The following TXNDC11 variants were observed in gnomAD, a reference collection of about 807,000 sequenced individuals.
The protein encoded by TXNDC11 is thioredoxin domain-containing protein 11.
Under a neutral mutation model 78.0 loss-of-function variants are expected in TXNDC11, and 68 were observed. The observed-to-expected ratio is 0.87, with a 90% CI of 0.72 to 1.07. TXNDC11 has a LOEUF of 1.07. Ranked by LOEUF, TXNDC11 falls within the 50% of genes least tolerant of loss-of-function variation. The pLI is 0.00. For missense variants in TXNDC11, 1,389 were observed against 1,221.8 expected (o/e 1.14, Z -2.04); for synonymous variants, 571 against 495.2 (o/e 1.15, Z -2.03).
At chr16:11,715,057 C>T (rs978800510) in intron 5 of TXNDC11, among the ~76,000 whole-genome samples, 15 of 152,054 alleles carry the variant, frequency 9.9e-5, no homozygotes, top group African/African-American at 3.6e-4. Context: ...TCCAGACCAG[C>T]CTGGGCAACA....
intron 10 of TXNDC11, among the ~76,000 whole-genome samples, chr16:11,685,258 G>A (rs1245420647): frequency 1.3e-5 from 2 of 151,842 alleles, no homozygotes; most frequent in Non-Finnish European, 2.9e-5. Context: ...TGGGAAGGTG[G>A]GAGAATCACC....
chr16:11,741,037 C>A (rs2052375395), intron 1 of TXNDC11, among the ~76,000 whole-genome samples: 1 of 152,068 alleles, frequency 6.6e-6, no homozygotes, highest in Non-Finnish European at 1.5e-5. Context: ...TGCTAGACAT[C>A]CTACAGTAGT....
At chr16:11,690,535 C>T (rs182262806) in intron 8 of TXNDC11, among the ~76,000 whole-genome samples, 2 of 152,208 alleles carry the variant, frequency 1.3e-5, no homozygotes, top group East Asian at 1.9e-4. Context: ...GGAGGCAAGG[C>T]GGCTCTACTT....
chr16:11,697,688 T>C (rs1186639575), intron 7 of TXNDC11, among the ~76,000 whole-genome samples: 5 of 152,208 alleles, frequency 3.3e-5, no homozygotes, highest in Non-Finnish European at 7.3e-5. Context: ...TCCTCTGCTG[T>C]CCTGAGGATG....
rs1597409025 is a variant in TXNDC11, at chr16:11,688,408, G to A, written c.1938C>T (p.Pro646=). ...FIQNFSVLYS[P]LKRHLIGSGS... Reference sequence around the variant, plus strand: ...CACTTCCAATGAGATGCCTTTTCAAGGGACTATAGAGAACGCTGAAGTTTT... The same window carrying A: ...CACTTCCAATGAGATGCCTTTTCAAAGGACTATAGAGAACGCTGAAGTTTT... Residue 646 remains proline, a synonymous_variant, in exon 9 of 12, where the codon CCC becomes CCT. Coordinates refer to ENST00000283033, the MANE Select transcript of TXNDC11 (RefSeq NM_015914.7). The A allele has an allele frequency of 2.5e-6, 4 of 1,613,720 alleles. No individual in the cohort carries two copies. The highest frequency in any genetic ancestry group is 2.2e-5 in the South Asian group (2 of 91,038).
In TXNDC11 at chr16:11,680,867, C is replaced by T. The variant is rs986443153; in HGVS notation, c.2235-1030G>A. 2.6e-5 allele frequency among the ~76,000 whole-genome samples: 4 copies of T among 152,278 alleles called. No homozygotes were observed. The South Asian group carries it at 6.2e-4, about 24-fold the overall frequency. On this transcript the variant is annotated intron_variant, in intron 11 of 11. Transcript: ENST00000283033. ...ATATAAGCTTTCTTCAAGTGGGGCC[C>T]AGCCATTCAAATGACAAAGCTGGGT...
At position 11,698,136 on chromosome 16, in the gene TXNDC11, A is replaced by C; in HGVS notation, c.1096T>G (p.Leu366Val). The part of the protein sequence containing the change: ...PFNPLAESHP[L>V]IDEITEVALE... ...ATCACAGCTCTTACCTCGTCTATTA[A>C]AGGATGACTTTCGGCCAGGGGATTA... is the stretch of plus-strand genomic sequence containing the variant. Residue 366 changes from leucine to valine, a missense_variant, in exon 7 of 12, where the codon TTA becomes GTA. Leu to Val is a conservative substitution (Grantham distance 32). Transcript: ENST00000283033. 6.2e-7 allele frequency: 1 copy of C among 1,614,234 alleles called. No homozygotes were observed. The highest frequency in any genetic ancestry group is 8.5e-7 in the Non-Finnish European group (1 of 1,180,032).
chr16:11,697,590 C>T (rs903135049), intron 7 of TXNDC11, among the ~76,000 whole-genome samples: 1 of 152,154 alleles, frequency 6.6e-6, no homozygotes, highest in Non-Finnish European at 1.5e-5. Flanking sequence ...GCTCCGATGG[C>T]GCTGCCTCTG....
chr16:11,697,224 A>G (rs1283483741), intron 7 of TXNDC11, among the ~76,000 whole-genome samples: 1 of 152,218 alleles, frequency 6.6e-6, no homozygotes, highest in African/African-American at 2.4e-5. Context: ...AGACTCCAGC[A>G]CAGCAAAGGG....
intron 5 of TXNDC11, among the ~76,000 whole-genome samples, chr16:11,714,567 G>A (rs577838744): frequency 6.6e-6 from 1 of 152,114 alleles, no homozygotes; most frequent in African/African-American, 2.4e-5. Context: ...GTGAACCCGG[G>A]AGGCGGAGGT....
At chr16:11,735,395 G>A (rs936732532) in intron 2 of TXNDC11, among the ~76,000 whole-genome samples, 4 of 151,970 alleles carry the variant, frequency 2.6e-5, no homozygotes, top group Admixed American at 6.6e-5. Flanking sequence ...GTTACAATCC[G>A]TGCATTAGAT....
chr16:11,685,005 G>T (rs2050526072), intron 10 of TXNDC11, among the ~76,000 whole-genome samples: 3 of 152,234 alleles, frequency 2.0e-5, no homozygotes, highest in South Asian at 4.1e-4. Context: ...AGCATAACTG[G>T]GGGGAGTGAG....
intron 7 of TXNDC11, among the ~76,000 whole-genome samples, chr16:11,695,075 C>T (rs1259691238): frequency 6.6e-6 from 1 of 152,250 alleles, no homozygotes; most frequent in Non-Finnish European, 1.5e-5. Context: ...CACGAAGACT[C>T]TTTGCTGGCT....
intron 5 of TXNDC11, among the ~76,000 whole-genome samples, chr16:11,719,629 G>A (rs1381896151): frequency 6.6e-6 from 1 of 152,114 alleles, no homozygotes; most frequent in African/African-American, 2.4e-5. Flanking sequence ...AAGGTAATAG[G>A]GTCATTAATG....
At chr16:11,731,869 C>T (rs561420879) in intron 3 of TXNDC11, among the ~76,000 whole-genome samples, 3 of 152,190 alleles carry the variant, frequency 2.0e-5, no homozygotes, top group South Asian at 4.2e-4. Context: ...AAATTAGTTC[C>T]GTTTAAAAAT....
chr16:11,690,973 C>G (rs1199768095), intron 8 of TXNDC11: 1 of 351,772 alleles, frequency 2.8e-6, no homozygotes, highest in African/African-American at 2.2e-5. Flanking sequence ...TTCTAGTCCC[C>G]AAGTCCCCAC....
At chr16:11,739,100 G>A (rs993035012) in intron 1 of TXNDC11, among the ~76,000 whole-genome samples, 1 of 152,176 alleles carries the variant, frequency 6.6e-6, no homozygotes. Flanking sequence ...GACAGTCAAC[G>A]AAAGGATAAA....
chr16:11,700,739 G>A (rs906786936), intron 5 of TXNDC11, among the ~76,000 whole-genome samples, 175 bp from the exon 6 acceptor site: 6 of 152,172 alleles, frequency 3.9e-5, no homozygotes, highest in African/African-American at 1.2e-4. Context: ...ACCGACCTCG[G>A]CCCCTCAGAT....
intron 4 of TXNDC11, among the ~76,000 whole-genome samples, chr16:11,725,358 GA>G (rs36072638): frequency 0.49 from 70,026 of 143,900 alleles, 16,548 homozygotes; most frequent in Middle Eastern, 0.56. Flanking sequence ...TATTCATTTA[GA>G]AAAAAAAAAA....
Sources: allele counts gnomAD v4.1 joint callset (sites outside exome capture counted in the v4.1 genomes callset), GRCh38; gene constraint gnomAD v4.1.1; transcripts MANE v1.5; gene names NCBI Gene and HGNC (gene_info 2026-07-23, HGNC 2026-07-21).